PDZRN3: variants seen among roughly 807,000 people sequenced by gnomAD.
PDZRN3 encodes the protein E3 ubiquitin-protein ligase PDZRN3.
PDZRN3 carries 38 observed loss-of-function variants against 85.7 expected under a neutral mutation model. The observed-to-expected ratio is 0.44, with a 90% confidence interval of 0.34 to 0.58. The LOEUF (loss-of-function observed/expected upper bound fraction) is 0.58, where lower values mean the gene tolerates loss of function less well. Among genes scored for constraint, PDZRN3 ranks in the 20% least tolerant of loss-of-function variants. The pLI, the probability that PDZRN3 is intolerant of heterozygous loss-of-function variation, is 0.01. For missense variants in PDZRN3, 1,629 were observed against 1,506.4 expected (o/e 1.08, Z -1.35); for synonymous variants, 759 against 638.0 (o/e 1.19, Z -2.86).
rs570572693 is a variant in PDZRN3 at position 73,530,362 on chromosome 3, G to A, written c.918+71992C>T. Among the ~76,000 whole-genome samples, 5 of 152,288 alleles carry A rather than the reference G, an allele frequency of 3.3e-5. No homozygotes were observed. In the South Asian group the frequency reaches 1.0e-3, roughly 32 times the overall value. On this transcript the variant is annotated intron_variant, in intron 3 of 9. Transcript: ENST00000263666. The stretch of plus-strand genomic sequence containing the variant: ...ATGACAAAACCACGATTATGTACTG[G>A]CTCCCTACAAAATCCTTCACAGAAA...
chr3:73,526,358 C>T (rs1311598696), intron 3 of PDZRN3, among the ~76,000 whole-genome samples: 1 of 152,126 alleles, frequency 6.6e-6, no homozygotes, highest in Non-Finnish European at 1.5e-5. Context: ...TCATACCAAC[C>T]CATCAAGTAT....
chr3:73,622,188 G>A (rs1702875579), intron 1 of PDZRN3, among the ~76,000 whole-genome samples: 1 of 152,180 alleles, frequency 6.6e-6, no homozygotes, highest in South Asian at 2.1e-4. Context: ...TGCCTGTGAG[G>A]TCCTGGGCAA....
intron 3 of PDZRN3, chr3:73,474,413 A>G (rs1392198146): frequency 9.0e-7 from 1 of 1,115,760 alleles, no homozygotes; most frequent in Non-Finnish European, 1.2e-6. Flanking sequence ...ACATCTTATA[A>G]TTATCTTATT....
intron 3 of PDZRN3, among the ~76,000 whole-genome samples, chr3:73,426,496 G>A (rs921718337): frequency 2.6e-5 from 4 of 152,000 alleles, no homozygotes; most frequent in Non-Finnish European, 4.4e-5. Flanking sequence ...CTATTTGCTT[G>A]AAAAAAGTTC....
At chr3:73,463,089 A>T (rs1400909645) in intron 3 of PDZRN3, among the ~76,000 whole-genome samples, 3 of 152,190 alleles carry the variant, frequency 2.0e-5, no homozygotes, top group Non-Finnish European at 4.4e-5. Context: ...TAAGGACGGC[A>T]TACATGTGAG....
At chr3:73,611,190 A>C (rs535369482) in intron 1 of PDZRN3, among the ~76,000 whole-genome samples, 1 of 152,290 alleles carries the variant, frequency 6.6e-6, no homozygotes, top group East Asian at 1.9e-4. Flanking sequence ...TTATTGTTGA[A>C]ATTCCAAAAA....
chr3:73,394,965 A>G (rs1351711915), intron 5 of PDZRN3, among the ~76,000 whole-genome samples: 1 of 152,236 alleles, frequency 6.6e-6, no homozygotes, highest in African/African-American at 2.4e-5. Context: ...TGAATGATGA[A>G]TTGTGCAATG....
intron 3 of PDZRN3, among the ~76,000 whole-genome samples, chr3:73,510,927 AG>A (rs1704152282): frequency 6.6e-6 from 1 of 152,222 alleles, no homozygotes; most frequent in Non-Finnish European, 1.5e-5. Flanking sequence ...ATCTATTTTC[AG>A]ACCATGGTTG....
intron 3 of PDZRN3, among the ~76,000 whole-genome samples, chr3:73,415,585 G>A (rs912339655): frequency 1.7e-4 from 26 of 151,926 alleles, no homozygotes; most frequent in African/African-American, 5.8e-4. Context: ...CTGCACTTTC[G>A]GTATCCACAT....
intron 3 of PDZRN3, among the ~76,000 whole-genome samples, chr3:73,431,847 G>A (rs1466655021): frequency 1.3e-5 from 2 of 152,010 alleles, no homozygotes; most frequent in African/African-American, 4.8e-5. Context: ...TTTGGGGGCA[G>A]TCGTGTGTGT....
intron 3 of PDZRN3, among the ~76,000 whole-genome samples, chr3:73,508,562 G>A (rs1330877880): frequency 2.0e-5 from 3 of 152,152 alleles, no homozygotes; most frequent in Admixed American, 2.0e-4. Flanking sequence ...GGGACCACTA[G>A]GGGGCGATTT....
At chr3:73,503,273 T>C (rs1227744105) in intron 3 of PDZRN3, among the ~76,000 whole-genome samples, 1 of 152,194 alleles carries the variant, frequency 6.6e-6, no homozygotes, top group African/African-American at 2.4e-5. Flanking sequence ...GGTGCTACCT[T>C]TACAAGCAAA....
chr3:73,387,038 T>G (rs956983495), intron 8 of PDZRN3, among the ~76,000 whole-genome samples: 2 of 152,162 alleles, frequency 1.3e-5, no homozygotes, highest in Admixed American at 6.5e-5. Context: ...TCTCATGAGA[T>G]CTGATAGTTT....
At chr3:73,433,632 G>A (rs6778474) in intron 3 of PDZRN3, 96,403 of 1,519,278 alleles carry the variant, frequency 0.063, 3,516 homozygotes, top group African/African-American at 0.1. Context: ...AAAATGCAGG[G>A]TGTTACCTGA....
In PDZRN3 at chr3:73,395,480, T is replaced by C. The variant is rs180817897; in HGVS notation, c.1255-4364A>G. 1.5e-3 allele frequency among the ~76,000 whole-genome samples: 222 copies of C among 152,300 alleles called. 2 individuals carry two copies. Among genetic ancestry groups the C allele is most frequent in the African/African-American group, 5.1e-3 (211 of 41,568 alleles). On this transcript the variant is annotated intron_variant, in intron 5 of 9. Coordinates refer to ENST00000263666, the MANE Select transcript of PDZRN3 (RefSeq NM_015009.3). ...GTTAAGCCTGACATTTCAGAGGAAA[T>C]TGAAACGATATTCCAATGAAGAGTA...
chr3:73,521,680 ATTCTTC>A (rs755591113), intron 3 of PDZRN3, among the ~76,000 whole-genome samples: 219 of 151,730 alleles, frequency 1.4e-3, no homozygotes, highest in Non-Finnish European at 2.7e-3. Flanking sequence ...CGTTGTAATT[ATTCTTC>A]TTATTATTAT....
chr3:73,615,988 C>G (rs970337618), intron 1 of PDZRN3, among the ~76,000 whole-genome samples: 1 of 152,164 alleles, frequency 6.6e-6, no homozygotes, highest in Non-Finnish European at 1.5e-5. Context: ...GGGGTGGACA[C>G]CTCATGAAGA....
chr3:73,390,616 T>TCCA (rs1005866096), intron 6 of PDZRN3, among the ~76,000 whole-genome samples: 1 of 145,150 alleles, frequency 6.9e-6, no homozygotes, highest in Non-Finnish European at 1.5e-5. Flanking sequence ...CTATATATAC[T>TCCA]CCACCAAGAG....
At chr3:73,611,002 G>A (rs1384424709) in intron 1 of PDZRN3, among the ~76,000 whole-genome samples, 1 of 152,174 alleles carries the variant, frequency 6.6e-6, no homozygotes, top group Admixed American at 6.5e-5. Context: ...GACTGAGGTA[G>A]AGTGATTAAG....
Sources: allele counts gnomAD v4.1 joint callset (sites outside exome capture counted in the v4.1 genomes callset), GRCh38; gene constraint gnomAD v4.1.1; transcripts MANE v1.5; gene names NCBI Gene and HGNC (gene_info 2026-07-23, HGNC 2026-07-21).